The following ANKFY1 variants were observed in gnomAD, a reference collection of about 807,000 sequenced individuals.
The protein encoded by ANKFY1 is ankyrin repeat and FYVE domain containing 1.
Under a neutral mutation model 128.3 loss-of-function variants are expected in ANKFY1, and 47 were observed. The ratio of observed to expected loss-of-function variants is 0.37; its 90% confidence interval spans 0.29 to 0.47. ANKFY1 has a LOEUF of 0.47. Among genes scored for constraint, ANKFY1 ranks in the 20% least tolerant of loss-of-function variants. The pLI is 1.00. For synonymous variants in ANKFY1, 553 were observed against 601.6 expected, an observed-to-expected ratio of 0.92 and a Z score of 1.18; for missense variants, 1,222 against 1,510.6, an observed-to-expected ratio of 0.81 and a Z score of 3.17.
intron 7 of ANKFY1, among the ~76,000 whole-genome samples, chr17:4,203,364 A>G (rs1472389050): frequency 6.6e-6 from 1 of 152,162 alleles, no homozygotes; most frequent in African/African-American, 2.4e-5. Context: ...ACTTCACACT[A>G]AAAAAATCCA....
At position 4,195,176 on chromosome 17, in the gene ANKFY1, G is replaced by C; in HGVS notation, c.1174C>G (p.Leu392Val). 1 of 1,603,666 alleles carries C rather than the reference G, an allele frequency of 6.2e-7. No homozygotes were observed. The highest frequency in any genetic ancestry group is 8.5e-7 in the Non-Finnish European group (1 of 1,172,746). Residue 392 changes from leucine (L) to valine (V), a missense_variant and splice_region_variant, in exon 10 of 25, where the codon CTA (leucine) becomes GTA (valine). Transcript: ENST00000341657. ...VFSQLLQCKQ[L>V]DLELKDHEGS... is the part of the protein sequence containing the mutation. ...TCGTGGTCTTTGAGTTCTAAATCTA[G>C]TCTGAAAAGCAGAAGCAGTGTCAAC...
chr17:4,250,753 G>A (rs1421794559), intron 1 of ANKFY1, among the ~76,000 whole-genome samples: 14 of 152,082 alleles, frequency 9.2e-5, no homozygotes, highest in African/African-American at 3.4e-4. Context: ...CTGCAGCCTC[G>A]AACTCCTAGG....
intron 3 of ANKFY1, chr17:4,222,050 T>C (rs1598101629): frequency 6.6e-6 from 1 of 152,098 alleles, no homozygotes; most frequent in East Asian, 1.9e-4. Context: ...GCTTGATGAA[T>C]TGGGCAGCCG....
In ANKFY1 at chr17:4,177,266, C is replaced by A. The variant is rs368662240; in HGVS notation, c.2635G>T (p.Val879Phe). 6.3e-7 allele frequency: 1 copy of A among 1,597,810 alleles called. No individual in the cohort carries two copies. Among genetic ancestry groups the A allele is most frequent in the Non-Finnish European group, 8.5e-7 (1 of 1,172,234 alleles). ...ACACTTTCAATATCAGAGTTCTGAA[C>A]TGCCACATGAAGGAAATTCCGGCCC... is the stretch of plus-strand genomic sequence containing the variant. ...NKGRNFLHVA[V>F]QNSDIESVLF... Residue 879 changes from valine to phenylalanine, a missense_variant, in exon 19 of 25, where the codon GTT (valine) becomes TTT (phenylalanine). By Grantham distance (50) the Val-to-Phe change is conservative. Coordinates refer to ENST00000341657, the MANE Select transcript of ANKFY1 (RefSeq NM_001330063.2).
chr17:4,263,634 C>T (rs1598169532), intron 1 of ANKFY1: 1 of 1,534,912 alleles, frequency 6.5e-7, no homozygotes, highest in Non-Finnish European at 8.7e-7. Flanking sequence ...TCAAGAGCCT[C>T]CCGTGCTGCC....
chr17:4,174,117 G>C lies in ANKFY1; in HGVS notation c.2776-61C>G. On this transcript the variant is annotated intron_variant, in intron 19 of 24. Coordinates refer to ENST00000341657, the MANE Select transcript of ANKFY1 (RefSeq NM_001330063.2). ...TGCCACAATCAAGATCCCCCTTATG[G>C]GGGCCGAGCCTGCTTGTCTTCTGAC... The C allele has an allele frequency of 1.9e-6, 3 of 1,580,216 alleles. No individual in the cohort carries two copies. The South Asian group carries it at 3.5e-5, about 18-fold the overall frequency.
At position 4,169,300 on chromosome 17, in the gene ANKFY1, G is replaced by C. The variant is rs541388974; in HGVS notation, c.3287-12C>G. 9.7e-5 allele frequency: 150 copies of C among 1,541,380 alleles called. No homozygotes were observed. In the Middle Eastern group the frequency reaches 1.1e-3, roughly 11 times the overall value. On this transcript the variant is annotated splice_polypyrimidine_tract_variant and intron_variant, in intron 23 of 24. Coordinates refer to ENST00000341657, the MANE Select transcript of ANKFY1 (RefSeq NM_001330063.2). This position sits in a 1 kb window ranked among gnomAD's most constrained non-coding sequence, Gnocchi z 5.0. ...CTTGGACAGCATATCTGCAACACAG[G>C]GGGGAGGCCCGGTCCCGTCAAACCG...
chr17:4,167,948 C>A lies in ANKFY1; in HGVS notation c.3378-37G>T, dbSNP rs765589968. 3.1e-6 allele frequency: 5 copies of A among 1,596,492 alleles called. No homozygotes were observed. Among genetic ancestry groups the A allele is most frequent in the Non-Finnish European group, 4.3e-6 (5 of 1,169,276 alleles). On this transcript the variant is annotated intron_variant, in intron 24 of 24. Transcript: ENST00000341657. The surrounding 1 kb of genome is among the most constrained non-coding windows in gnomAD (Gnocchi z 4.1). ...AAGAAAGGAAGTATGAGAGGAGCGC[C>A]AACGACAGACTCTGCTTCCTGGCAC...
At chr17:4,245,127 C>T (rs1967467016) in intron 1 of ANKFY1, among the ~76,000 whole-genome samples, 1 of 152,134 alleles carries the variant, frequency 6.6e-6, no homozygotes, top group Admixed American at 6.6e-5. Flanking sequence ...ACCACAATAC[C>T]ATCCTCTGAT....
chr17:4,239,639 A>G (rs1011027256), intron 2 of ANKFY1, among the ~76,000 whole-genome samples: 3 of 152,042 alleles, frequency 2.0e-5, no homozygotes, highest in African/African-American at 7.2e-5. Context: ...CCCAGGTTGA[A>G]GCAATTCTTC....
intron 16 of ANKFY1, among the ~76,000 whole-genome samples, chr17:4,180,781 A>AG (rs1555624564): frequency 6.6e-5 from 10 of 151,306 alleles, no homozygotes; most frequent in East Asian, 1.9e-4. Context: ...AAAAAAAAAA[A>AG]AAAGAAAGAA....
intron 24 of ANKFY1, chr17:4,168,946 G>A (rs1309664760): frequency 2.0e-6 from 1 of 490,754 alleles, no homozygotes; most frequent in Non-Finnish European, 3.7e-6. Context: ...CACAGGCCTG[G>A]CAGGCTGCCT....
At chr17:4,182,370 A>G (rs762770822) in intron 14 of ANKFY1, 21 bp from the exon 15 acceptor site, 1 of 1,505,704 alleles carries the variant, frequency 6.6e-7, no homozygotes, top group Non-Finnish European at 9.0e-7. Flanking sequence ...ATGCACACCC[A>G]AACCAACGTT....
At chr17:4,255,903 C>T (rs370532912) in intron 1 of ANKFY1, among the ~76,000 whole-genome samples, 110 of 151,976 alleles carry the variant, frequency 7.2e-4, no homozygotes, top group African/African-American at 2.3e-3. Context: ...CTGCAACCTC[C>T]GCTTCCCAGG....
At chr17:4,175,368 AG>A (rs1281548158) in intron 19 of ANKFY1, among the ~76,000 whole-genome samples, 1 of 152,162 alleles carries the variant, frequency 6.6e-6, no homozygotes, top group African/African-American at 2.4e-5. Context: ...AAAGAAAAAA[AG>A]GGACACAAAG....
At position 4,263,689 on chromosome 17, in the gene ANKFY1, A is replaced by T. The variant is rs1479060977; in HGVS notation, c.10+243T>A. ...ACGCAGCACCGGCGCGGGACCTGCC[A>T]GCCCGGCTCCGCAGCCGGCCGCAGT... On this transcript the variant is annotated intron_variant, in intron 1 of 24. Transcript: ENST00000341657. 5.9e-6 allele frequency: 9 copies of T among 1,519,504 alleles called. No individual in the cohort carries two copies. In the East Asian group the frequency reaches 2.3e-4, roughly 38 times the overall value. The allele number at this position is 1,519,504 out of a possible 1,614,324, so 94.1% of individuals were successfully genotyped here. A position where few individuals can be genotyped will look rare whatever the true frequency, so the allele number is the denominator to read the frequency against.
At chr17:4,222,269 T>G in intron 3 of ANKFY1, 14 of 584,168 alleles carry the variant, frequency 2.4e-5, no homozygotes, top group East Asian at 1.1e-4. Flanking sequence ...GGGCCCAGCG[T>G]GAGCCTCTAC....
At chr17:4,241,812 C>T (rs1480366133) in intron 2 of ANKFY1, among the ~76,000 whole-genome samples, 1 of 151,626 alleles carries the variant, frequency 6.6e-6, no homozygotes, top group Non-Finnish European at 1.5e-5. Context: ...GCCTCGGGCC[C>T]GGCACGGTGG....
intron 10 of ANKFY1, among the ~76,000 whole-genome samples, chr17:4,191,578 C>A (rs1347075635): frequency 6.6e-6 from 1 of 150,656 alleles, no homozygotes. Context: ...TTGCTCTAAT[C>A]TGGAGACTCC....
Sources: gnomAD v4.1 joint callset for allele counts (sites outside exome capture counted in the v4.1 genomes callset) on GRCh38, gnomAD v4.1.1 for gene constraint, Gnocchi (gnomAD v3.1) non-coding constraint, MANE v1.5 for transcripts, NCBI Gene and HGNC (gene_info 2026-07-23, HGNC 2026-07-21) for gene names.